INTS4: variants seen among roughly 807,000 people sequenced by gnomAD.
The protein encoded by INTS4 is MSTP093.
INTS4 carries 70 observed loss-of-function variants against 119.5 expected under a neutral mutation model. That is an observed-to-expected ratio of 0.59 (90% CI 0.48 to 0.71). The LOEUF is 0.71. Ranked by LOEUF, INTS4 falls within the 30% of genes least tolerant of loss-of-function variation. The pLI, the probability that INTS4 is intolerant of heterozygous loss-of-function variation, is 0.00. For missense variants in INTS4, 867 were observed against 1,173.2 expected (o/e 0.74, Z 3.81); for synonymous variants, 316 against 419.6 (o/e 0.75, Z 3.02).
At chr11:77,987,996 A>C (rs2136662844) in intron 2 of INTS4, among the ~76,000 whole-genome samples, 1 of 152,316 alleles carries the variant, frequency 6.6e-6, no homozygotes, top group South Asian at 2.1e-4. Context: ...TCTCTATCAA[A>C]AATATAAAAA....
At chr11:77,951,821 AAAAC>A (rs1000606177) in intron 8 of INTS4, among the ~76,000 whole-genome samples, 5 of 152,262 alleles carry the variant, frequency 3.3e-5, no homozygotes, top group Admixed American at 2.0e-4. Context: ...CTACAAGAAA[AAAAC>A]AAACAGCCCC....
At chr11:77,927,447 TC>T (rs1256920965) in intron 11 of INTS4, among the ~76,000 whole-genome samples, 1 of 152,114 alleles carries the variant, frequency 6.6e-6, no homozygotes, top group Non-Finnish European at 1.5e-5. Context: ...CTAATCACTA[TC>T]CCTTTCACAT....
Position 77,979,096 on chromosome 11 carries a change from T to C in INTS4, c.371A>G (p.His124Arg). ...ATCCAGCAGTTGAGCTAGGACTTGA[T>C]GAGACTCTAGAGAGGGAGATAGAAA... is the stretch of plus-strand genomic sequence containing the variant. ...AINILQNEKS[H>R]QVLAQLLDTL... Residue 124 changes from histidine to arginine, a missense_variant, in exon 4 of 23, where the codon CAT (histidine) becomes CGT (arginine). His to Arg is a conservative substitution (Grantham distance 29). Transcript: ENST00000534064. The C allele has an allele frequency of 6.2e-7, 1 of 1,600,878 alleles. No homozygotes were observed. The highest frequency in any genetic ancestry group is 8.6e-7 in the Non-Finnish European group (1 of 1,168,280).
intron 4 of INTS4, among the ~76,000 whole-genome samples, chr11:77,977,434 T>G (rs1178329673): frequency 1.3e-5 from 2 of 151,686 alleles, no homozygotes; most frequent in African/African-American, 4.8e-5. Flanking sequence ...TTACAAATTA[T>G]GTTTATAAAA....
At chr11:77,874,897 C>T (rs1463564798), downstream of INTS4, among the ~76,000 whole-genome samples, 1 of 152,082 alleles carries the variant, frequency 6.6e-6, no homozygotes, top group East Asian at 1.9e-4. Flanking sequence ...ATTAGCCAGG[C>T]GTGGTGGCAC....
At chr11:77,981,175 C>T (rs368778604) in intron 3 of INTS4, among the ~76,000 whole-genome samples, 1 of 25,426 alleles carries the variant, frequency 3.9e-5, no homozygotes, top group South Asian at 1.1e-3. Context: ...TGCCTCAAAA[C>T]AAAAAACAAA....
intron 21 of INTS4, among the ~76,000 whole-genome samples, chr11:77,886,748 G>C (rs679526): frequency 0.38 from 57,248 of 148,856 alleles, 11,174 homozygotes; most frequent in African/African-American, 0.47. Flanking sequence ...GGTGGGAGGC[G>C]CCCGGCGAGG....
intron 8 of INTS4, among the ~76,000 whole-genome samples, chr11:77,954,297 T>TAAAA (rs1352272820): frequency 2.0e-5 from 3 of 151,666 alleles, no homozygotes; most frequent in African/African-American, 7.3e-5. Context: ...AAAAAAATTT[T>TAAAA]TTTTTAATTT....
intron 18 of INTS4, among the ~76,000 whole-genome samples, chr11:77,897,989 A>AT (rs1952604818): frequency 1.3e-5 from 2 of 151,242 alleles, no homozygotes; most frequent in Admixed American, 6.6e-5. Flanking sequence ...TTTGATTTTT[A>AT]TTTTTTAGAG....
In INTS4 at chr11:77,992,482, C is replaced by T. The variant is rs137855410; in HGVS notation, c.55-1183G>A. Among the ~76,000 whole-genome samples the T allele has an allele frequency of 3.3e-3, 499 of 152,222 alleles. 3 individuals are homozygous for T. The highest frequency in any genetic ancestry group is 0.011 in the African/African-American group (469 of 41,532). On this transcript the variant is annotated intron_variant, in intron 1 of 22. Transcript: ENST00000534064. ...TTGGGAGGCTGAGGCAGGAGGATCCCTTGAGCCCAGGAGTTCGAGACCAGC... is the reference window on the plus strand; with the variant it reads ...TTGGGAGGCTGAGGCAGGAGGATCCTTTGAGCCCAGGAGTTCGAGACCAGC...
At chr11:77,936,757 GAGAA>G (rs765802709) in intron 10 of INTS4, among the ~76,000 whole-genome samples, 4 of 151,938 alleles carry the variant, frequency 2.6e-5, no homozygotes, top group African/African-American at 9.7e-5. Context: ...ATAAAAACTG[GAGAA>G]AGAAAGGAAG....
At chr11:77,955,308 G>A (rs977702470) in intron 8 of INTS4, among the ~76,000 whole-genome samples, 15 of 152,146 alleles carry the variant, frequency 9.9e-5, no homozygotes, top group African/African-American at 3.6e-4. Context: ...TTGCACTCCT[G>A]CCTGAGCAAC....
intron 7 of INTS4, among the ~76,000 whole-genome samples, chr11:77,957,831 G>A (rs1430967805): frequency 6.6e-6 from 1 of 151,562 alleles, no homozygotes; most frequent in Non-Finnish European, 1.5e-5. Flanking sequence ...ACCATGTCCG[G>A]CTAATTTTTG....
intron 8 of INTS4, among the ~76,000 whole-genome samples, chr11:77,946,752 C>T (rs1249759375): frequency 6.8e-6 from 1 of 146,606 alleles, no homozygotes; most frequent in South Asian, 2.1e-4. Flanking sequence ...CAGAGCAAGA[C>T]CCTGTCTCAA....
chr11:77,897,496 A>G (rs1439634149), intron 18 of INTS4, among the ~76,000 whole-genome samples: 2 of 150,376 alleles, frequency 1.3e-5, no homozygotes, highest in Non-Finnish European at 2.9e-5. Flanking sequence ...CCTCCAAGTT[A>G]TTATTATTAT....
In INTS4 at chr11:77,955,590, G is replaced by C. The variant is rs1954299623; in HGVS notation, c.918+352C>G. 2.6e-5 allele frequency among the ~76,000 whole-genome samples: 4 copies of C among 151,388 alleles called. No individual in the cohort carries two copies. The South Asian group carries it at 8.4e-4, about 32-fold the overall frequency. The stretch of plus-strand genomic sequence containing the variant: ...GGCTCACTGCAACTTCTGCCTCCCA[G>C]GTTCAAGCGATTCTCCTGCCTCAGC... On this transcript the variant is annotated intron_variant, in intron 8 of 22. Transcript: ENST00000534064.
intron 9 of INTS4, among the ~76,000 whole-genome samples, chr11:77,939,669 A>G (rs1953882207): frequency 6.6e-6 from 1 of 151,164 alleles, no homozygotes; most frequent in African/African-American, 2.4e-5. Context: ...CTCTCATTAA[A>G]CCCCATCTCT....
intron 1 of INTS4, among the ~76,000 whole-genome samples, chr11:77,994,208 A>G (rs1856808420): frequency 6.6e-6 from 1 of 151,974 alleles, no homozygotes. Flanking sequence ...GGGAGGCTAG[A>G]AGGGGCTCTG....
At position 77,994,636 on chromosome 11, in the gene INTS4, G is replaced by GC; in HGVS notation, c.7dup (p.Ala3GlyfsTer4). 6.2e-7 allele frequency: 1 copy of GC among 1,614,116 alleles called. No individual in the cohort carries two copies. The highest frequency in any genetic ancestry group is 8.5e-7 in the Non-Finnish European group (1 of 1,180,012). ...CTCATAAACCCGCTTCTTAAGGTGC[G>GC]CCGCCATGCCTACCCGCGGGCCCTC... On this transcript the variant is annotated frameshift_variant, in exon 1 of 23. Coordinates refer to ENST00000534064, the MANE Select transcript of INTS4 (RefSeq NM_033547.4). LOFTEE classifies it high-confidence loss of function.
Sources: allele counts gnomAD v4.1 joint callset (sites outside exome capture counted in the v4.1 genomes callset), GRCh38; gene constraint gnomAD v4.1.1; transcripts MANE v1.5; gene names NCBI Gene and HGNC (gene_info 2026-07-23, HGNC 2026-07-21).